The following MEOX2 variants were observed in gnomAD, a reference collection of about 807,000 sequenced individuals.
MEOX2 encodes the protein homeobox protein MOX-2.
MEOX2 carries 11 observed loss-of-function variants against 27.0 expected under a neutral mutation model. That is an observed-to-expected ratio of 0.41 (90% CI 0.26 to 0.68). The LOEUF (loss-of-function observed/expected upper bound fraction) is 0.68, where lower values mean the gene tolerates loss of function less well. Ranked by LOEUF, MEOX2 falls within the 30% of genes least tolerant of loss-of-function variation. MEOX2 has a pLI of 0.33. For missense variants in MEOX2, 436 were observed against 385.4 expected, an observed-to-expected ratio of 1.13 and a Z score of -1.10; for synonymous variants, 189 against 155.4, an observed-to-expected ratio of 1.22 and a Z score of -1.61.
chr7:15,618,200 T>A (rs1781153158), intron 2 of MEOX2, among the ~76,000 whole-genome samples: 1 of 152,042 alleles, frequency 6.6e-6, no homozygotes, highest in Non-Finnish European at 1.5e-5. Flanking sequence ...ATATTTACAG[T>A]AAAAATTCAC....
At chr7:15,629,814 C>T (rs1012222183) in intron 1 of MEOX2, among the ~76,000 whole-genome samples, 1 of 152,056 alleles carries the variant, frequency 6.6e-6, no homozygotes, top group African/African-American at 2.4e-5. Context: ...ACTTGCTGAC[C>T]CTAAGGCCTC....
At position 15,612,519 on chromosome 7, in the gene MEOX2, A is replaced by C. The variant is rs1025681387; in HGVS notation, c.783T>G (p.Asn261Lys). 21 of 1,613,978 alleles carry C rather than the reference A, an allele frequency of 1.3e-5. No homozygotes were observed. Among genetic ancestry groups the C allele is most frequent in the Non-Finnish European group, 1.8e-5 (21 of 1,180,026 alleles). ...GAAAREKELV[N>K]VKKGTLLPSE... Reference sequence around the variant, plus strand: ...ATGGGAGAAGTGTTCCCTTTTTCACATTCACCAGTTCCTTTTCCCGAGCCG... The same window carrying C: ...ATGGGAGAAGTGTTCCCTTTTTCACCTTCACCAGTTCCTTTTCCCGAGCCG... Residue 261 changes from asparagine (N) to lysine (K), a missense_variant, in exon 3 of 3, where the codon AAT becomes AAG. Physicochemically the swap from Asn to Lys is moderately conservative, Grantham distance 94 (BLOSUM62 0). Coordinates refer to ENST00000262041, the MANE Select transcript of MEOX2 (RefSeq NM_005924.5).
intron 1 of MEOX2, among the ~76,000 whole-genome samples, chr7:15,635,893 G>C (rs749875059): frequency 3.3e-5 from 5 of 151,958 alleles, no homozygotes; most frequent in Non-Finnish European, 7.4e-5. Context: ...AGGCTTAGTG[G>C]TATCAGTGTA....
intron 1 of MEOX2, among the ~76,000 whole-genome samples, chr7:15,662,305 T>C (rs1401474076): frequency 2.0e-5 from 3 of 151,996 alleles, no homozygotes; most frequent in African/African-American, 7.2e-5. Context: ...GGGATGTGTA[T>C]TAGTTATAGG....
intron 1 of MEOX2, among the ~76,000 whole-genome samples, chr7:15,673,259 T>G (rs1012342328): frequency 6.6e-6 from 1 of 152,198 alleles, no homozygotes; most frequent in African/African-American, 2.4e-5. Flanking sequence ...CAAGGGGAAA[T>G]GTAAGTGTAG....
chr7:15,619,933 G>T (rs551276226), intron 2 of MEOX2, among the ~76,000 whole-genome samples: 10 of 152,006 alleles, frequency 6.6e-5, no homozygotes, highest in Non-Finnish European at 1.3e-4. Context: ...GCACCGAATA[G>T]ATCTTGCTTT....
intron 1 of MEOX2, among the ~76,000 whole-genome samples, chr7:15,634,101 G>A (rs1261324647): frequency 6.6e-6 from 1 of 151,804 alleles, no homozygotes; most frequent in Admixed American, 6.6e-5. Context: ...ACATAGAAAA[G>A]TACCAAATCA....
intron 1 of MEOX2, among the ~76,000 whole-genome samples, chr7:15,666,706 C>T (rs1346086864): frequency 3.9e-5 from 5 of 127,236 alleles, no homozygotes. Flanking sequence ...GAGCCGAGAT[C>T]GTGCCACTGC....
chr7:15,631,061 A>C (rs1002850890), intron 1 of MEOX2, among the ~76,000 whole-genome samples: 6 of 151,958 alleles, frequency 3.9e-5, no homozygotes, highest in Non-Finnish European at 1.5e-5. Context: ...TGGATCGAGC[A>C]CCACTATGTT....
intron 1 of MEOX2, among the ~76,000 whole-genome samples, chr7:15,655,763 T>C (rs1781809618): frequency 6.6e-6 from 1 of 151,824 alleles, no homozygotes; most frequent in Non-Finnish European, 1.5e-5. Context: ...ATTTGTTTTA[T>C]AGTTCAGGTT....
At chr7:15,628,604 G>C (rs1437094331) in intron 1 of MEOX2, among the ~76,000 whole-genome samples, 1 of 152,116 alleles carries the variant, frequency 6.6e-6, no homozygotes, top group East Asian at 1.9e-4. Context: ...GTCATGCACA[G>C]GTTGATTGCA....
chr7:15,685,034 C>T (rs185512102), intron 1 of MEOX2, among the ~76,000 whole-genome samples: 21 of 152,114 alleles, frequency 1.4e-4, no homozygotes, highest in African/African-American at 4.8e-4. Context: ...TGCGCGCACC[C>T]TTGCATACCC....
intron 2 of MEOX2, among the ~76,000 whole-genome samples, chr7:15,625,550 C>A (rs1174559765): frequency 1.3e-5 from 2 of 152,122 alleles, no homozygotes; most frequent in Non-Finnish European, 2.9e-5. Flanking sequence ...AAATAACTTG[C>A]TCTCTTAAGA....
At chr7:15,637,906 A>G (rs1230463505) in intron 1 of MEOX2, among the ~76,000 whole-genome samples, 2 of 152,080 alleles carry the variant, frequency 1.3e-5, no homozygotes, top group African/African-American at 4.8e-5. Context: ...GAGATATAGT[A>G]TCAATTCAAT....
intron 2 of MEOX2, among the ~76,000 whole-genome samples, chr7:15,623,473 G>A (rs1037093766): frequency 6.6e-6 from 1 of 152,132 alleles, no homozygotes; most frequent in Non-Finnish European, 1.5e-5. Flanking sequence ...AGGCTTAAAT[G>A]TTTCTCCTGC....
At chr7:15,622,328 T>C (rs185580209) in intron 2 of MEOX2, among the ~76,000 whole-genome samples, 1 of 152,172 alleles carries the variant, frequency 6.6e-6, no homozygotes, top group Non-Finnish European at 1.5e-5. Flanking sequence ...CACACACACA[T>C]AAAATGAGCC....
At chr7:15,638,202 T>A (rs1366646897) in intron 1 of MEOX2, among the ~76,000 whole-genome samples, 1 of 152,124 alleles carries the variant, frequency 6.6e-6, no homozygotes, top group Admixed American at 6.6e-5. Flanking sequence ...CAGCAAGAGT[T>A]GTGTATGATT....
intron 1 of MEOX2, among the ~76,000 whole-genome samples, chr7:15,650,472 T>C (rs1781717364): frequency 6.6e-6 from 1 of 152,118 alleles, no homozygotes; most frequent in Non-Finnish European, 1.5e-5. Flanking sequence ...TTGAAAATTG[T>C]TTCTATTTTA....
chr7:15,668,690 C>CCT (rs1782048933), intron 1 of MEOX2, among the ~76,000 whole-genome samples: 1 of 151,880 alleles, frequency 6.6e-6, no homozygotes, highest in Non-Finnish European at 1.5e-5. Flanking sequence ...TGGTCAGGCT[C>CCT]GTCTCGAACT....
Sources: gnomAD v4.1 joint callset for allele counts (sites outside exome capture counted in the v4.1 genomes callset) on GRCh38, gnomAD v4.1.1 for gene constraint, MANE v1.5 for transcripts, NCBI Gene and HGNC (gene_info 2026-07-23, HGNC 2026-07-21) for gene names.